DPP10: variants seen among roughly 807,000 people sequenced by gnomAD.
DPP10 encodes dipeptidyl peptidase like 10, also known as inactive dipeptidyl peptidase 10.
Under a neutral mutation model 120.9 loss-of-function variants are expected in DPP10, and 33 were observed. The ratio of observed to expected loss-of-function variants is 0.27; its 90% CI spans 0.21 to 0.37. The LOEUF is 0.37. Ranked by LOEUF, DPP10 falls within the 10% of genes least tolerant of loss-of-function variation. The probability of loss-of-function intolerance (pLI) is 1.00; values close to 1 mark genes in which losing one functional copy is unlikely to be tolerated. For synonymous variants in DPP10, 337 were observed against 326.1 expected, an observed-to-expected ratio of 1.03 and a Z score of -0.36; for missense variants, 816 against 942.8, an observed-to-expected ratio of 0.87 and a Z score of 1.76.
chr2:115,236,586 A>G (rs530070564), intron 1 of DPP10, among the ~76,000 whole-genome samples: 3 of 152,342 alleles, frequency 2.0e-5, no homozygotes, highest in African/African-American at 7.2e-5. Flanking sequence ...GCTGGGCAGC[A>G]GAAGCTTCCA....
At chr2:115,449,976 G>T (rs769974191) in intron 3 of DPP10, among the ~76,000 whole-genome samples, 6 of 151,960 alleles carry the variant, frequency 3.9e-5, no homozygotes, top group Non-Finnish European at 1.5e-5. Flanking sequence ...TACCCCAAAA[G>T]CCCAAGAATT....
intron 19 of DPP10, among the ~76,000 whole-genome samples, chr2:115,800,434 G>C (rs1444932493): frequency 6.6e-6 from 1 of 152,126 alleles, no homozygotes; most frequent in Non-Finnish European, 1.5e-5. Flanking sequence ...AAACTCTTTA[G>C]TTTAATTAGA....
intron 1 of DPP10, among the ~76,000 whole-genome samples, chr2:114,453,065 A>C (rs1430090): frequency 0.26 from 39,968 of 152,066 alleles, 5,980 homozygotes; most frequent in East Asian, 0.38. Context: ...TAGGTGACAC[A>C]AGTAAATATT....
intron 7 of DPP10, among the ~76,000 whole-genome samples, chr2:115,725,833 T>C (rs2092754013): frequency 6.6e-6 from 1 of 152,136 alleles, no homozygotes; most frequent in Non-Finnish European, 1.5e-5. Context: ...TGTGCACCTG[T>C]GTTGTATACT....
chr2:114,627,263 G>T (rs557115112), intron 1 of DPP10, among the ~76,000 whole-genome samples: 1 of 152,196 alleles, frequency 6.6e-6, no homozygotes, highest in Admixed American at 6.6e-5. Flanking sequence ...GAATCCCACA[G>T]TATCCAAAAC....
At chr2:114,916,960 C>T (rs1589249) in intron 1 of DPP10, among the ~76,000 whole-genome samples, 36,803 of 152,064 alleles carry the variant, frequency 0.24, 4,457 homozygotes, top group Middle Eastern at 0.32. Flanking sequence ...TACTGGAAGT[C>T]CCAGCCAGAA....
Position 115,098,409 on chromosome 2 carries a change from C to T in DPP10, c.61-210830C>T, listed in dbSNP as rs1318467484. 3.3e-5 allele frequency among the ~76,000 whole-genome samples: 5 copies of T among 152,228 alleles called. No individual in the cohort carries two copies. The South Asian group carries it at 6.2e-4, about 19-fold the overall frequency. On this transcript the variant is annotated intron_variant, in intron 1 of 25. Coordinates refer to ENST00000410059, the MANE Select transcript of DPP10 (RefSeq NM_020868.6). ...GTCCTTATATGATTTCATCATTGTA[C>T]GAACATCATAGAGCATACTTACGGA...
At chr2:115,688,269 A>T (rs1015889979) in intron 5 of DPP10, among the ~76,000 whole-genome samples, 1 of 152,198 alleles carries the variant, frequency 6.6e-6, no homozygotes, top group African/African-American at 2.4e-5. Context: ...ATAAAGCTTC[A>T]TTGTAAAACA....
intron 1 of DPP10, among the ~76,000 whole-genome samples, chr2:114,701,982 T>C (rs1448795754): frequency 6.6e-6 from 1 of 152,150 alleles, no homozygotes; most frequent in Admixed American, 6.6e-5. Flanking sequence ...TAATTATTGA[T>C]ATAGCCACTA....
At chr2:115,732,062 A>G (rs2092924274) in intron 8 of DPP10, among the ~76,000 whole-genome samples, 1 of 127,448 alleles carries the variant, frequency 7.8e-6, no homozygotes, top group Non-Finnish European at 1.8e-5. Flanking sequence ...TAGGGAATGC[A>G]TGTAATTTCA....
At chr2:115,552,403 CT>C (rs2079931601) in intron 5 of DPP10, among the ~76,000 whole-genome samples, 1 of 152,176 alleles carries the variant, frequency 6.6e-6, no homozygotes, top group East Asian at 1.9e-4. Context: ...TGAATTTTGT[CT>C]TGTACTTCAT....
rs188509937 is a variant in DPP10 at position 115,265,215 on chromosome 2, A to G, written c.61-44024A>G. On this transcript the variant is annotated intron_variant, in intron 1 of 25. Coordinates refer to ENST00000410059, the MANE Select transcript of DPP10 (RefSeq NM_020868.6). ...ACATTCCCCATTTCTCCCATTCAAT[A>G]TGTACACATCGATGTTCCCAATGTC... 2.5e-3 allele frequency among the ~76,000 whole-genome samples: 372 copies of G among 151,688 alleles called. 3 individuals carry two copies. Among genetic ancestry groups the G allele is most frequent in the Non-Finnish European group, 1.2e-3 (84 of 67,910 alleles).
chr2:115,515,850 A>C lies in DPP10; in HGVS notation c.367-10048A>C, dbSNP rs533700759. ...ATAAGAGTTGGAAATATTACCCTTA[A>C]ATTTTCCTTCAGTTTTTAAAATGAA... is the stretch of plus-strand genomic sequence containing the variant. On this transcript the variant is annotated intron_variant, in intron 4 of 25. Transcript: ENST00000410059. Among the ~76,000 whole-genome samples, 3 of 152,190 alleles carry C rather than the reference A, an allele frequency of 2.0e-5. No individual in the cohort carries two copies. The East Asian group carries it at 5.8e-4, about 29-fold the overall frequency.
chr2:114,460,987 C>T (rs1007951465), intron 1 of DPP10, among the ~76,000 whole-genome samples: 9 of 152,104 alleles, frequency 5.9e-5, no homozygotes, highest in East Asian at 1.9e-4. Context: ...GTGTTTTATG[C>T]GGCTTTTTAT....
At chr2:114,691,184 T>A (rs1240414118) in intron 1 of DPP10, among the ~76,000 whole-genome samples, 4 of 152,108 alleles carry the variant, frequency 2.6e-5, no homozygotes, top group African/African-American at 4.8e-5. Flanking sequence ...CCATTAAGTG[T>A]GATATTAGCT....
At position 115,334,230 on chromosome 2, in the gene DPP10, G is replaced by GTTTTTTTTTTTTTTGTT. The variant is rs1553554645; in HGVS notation, c.176-9573_176-9572insGTTTTTTTTTTTTTTTT. On this transcript the variant is annotated intron_variant, in intron 2 of 25. Transcript: ENST00000410059. The stretch of plus-strand genomic sequence containing the variant: ...TCAGGAATGGACCAGAGCAGACTCT[G>GTTTTTTTTTTTTTTGTT]TTTTTTTTTTTTTTTTAAGAAACCT... Among the ~76,000 whole-genome samples, 11 of 56,412 alleles carry GTTTTTTTTTTTTTTGTT rather than the reference G, an allele frequency of 1.9e-4. 1 individual carries two copies. The highest frequency in any genetic ancestry group is 4.9e-4 in the African/African-American group (10 of 20,396). 37.0% of individuals were successfully genotyped at this position (56,412 alleles called of 152,430 possible).
intron 1 of DPP10, among the ~76,000 whole-genome samples, chr2:115,141,763 G>A (rs531425586): frequency 3.9e-5 from 6 of 152,214 alleles, no homozygotes; most frequent in Middle Eastern, 3.4e-3. Context: ...AGGAAAGGAG[G>A]TTTTTTGTTT....
chr2:115,058,368 C>T (rs986277554), intron 1 of DPP10, among the ~76,000 whole-genome samples: 1 of 149,708 alleles, frequency 6.7e-6, no homozygotes. Flanking sequence ...TTCATGGAGA[C>T]CAGAAAAAAC....
intron 1 of DPP10, among the ~76,000 whole-genome samples, chr2:114,786,817 C>T (rs887765041): frequency 1.3e-5 from 2 of 152,316 alleles, no homozygotes; most frequent in Non-Finnish European, 2.9e-5. Context: ...CCTGGGCCAG[C>T]GCTGGCTGGG....
Sources: allele counts gnomAD v4.1 joint callset (sites outside exome capture counted in the v4.1 genomes callset), GRCh38; gene constraint gnomAD v4.1.1; transcripts MANE v1.5; gene names NCBI Gene and HGNC (gene_info 2026-07-23, HGNC 2026-07-21).